The following C8orf34 variants were observed in gnomAD, a reference collection of about 807,000 sequenced individuals.
C8orf34 encodes uncharacterized protein C8orf34.
C8orf34 carries 65 observed loss-of-function variants against 68.3 expected under a neutral mutation model. The observed-to-expected ratio is 0.95, with a 90% CI of 0.78 to 1.17. The LOEUF (loss-of-function observed/expected upper bound fraction) is 1.17, where lower values mean the gene tolerates loss of function less well. Among genes scored for constraint, C8orf34 ranks in the 50% most tolerant of loss-of-function variants. The pLI, the probability that C8orf34 is intolerant of heterozygous loss-of-function variation, is 0.00. For synonymous variants in C8orf34, 244 were observed against 241.2 expected (o/e 1.01, Z -0.11); for missense variants, 664 against 655.4 (o/e 1.01, Z -0.14).
Position 68,721,442 on chromosome 8 carries a change from G to A in C8orf34, c.1404+5G>A. 6.3e-7 allele frequency: 1 copy of A among 1,587,078 alleles called. No individual in the cohort carries two copies. Among genetic ancestry groups the A allele is most frequent in the Non-Finnish European group, 8.6e-7 (1 of 1,158,958 alleles). On this transcript the variant is annotated splice_donor_5th_base_variant and intron_variant, in intron 10 of 13. Coordinates refer to ENST00000518698, the MANE Select transcript of C8orf34 (RefSeq NM_052958.4). The stretch of plus-strand genomic sequence containing the variant: ...GCATCTAAACTAACAGGACCTGTAA[G>A]TATATTCATTGACTTATTTTTTTTA...
intron 8 of C8orf34, among the ~76,000 whole-genome samples, chr8:68,671,725 TAA>T (rs1229277625): frequency 6.6e-6 from 1 of 152,190 alleles, no homozygotes; most frequent in Non-Finnish European, 1.5e-5. Context: ...TATAATCGGG[TAA>T]GAGTTGTCTG....
intron 9 of C8orf34, among the ~76,000 whole-genome samples, chr8:68,713,936 A>T (rs914028742): frequency 6.6e-6 from 1 of 152,188 alleles, no homozygotes; most frequent in Non-Finnish European, 1.5e-5. Context: ...CAAAAAGATA[A>T]TTCACCATGA....
chr8:68,516,631 T>C (rs1260017773), intron 5 of C8orf34, among the ~76,000 whole-genome samples: 1 of 151,096 alleles, frequency 6.6e-6, no homozygotes, highest in Non-Finnish European at 1.5e-5. Context: ...TATTTATTTA[T>C]TTATTTATTT....
At chr8:68,366,795 C>G (rs924474631) in intron 1 of C8orf34, among the ~76,000 whole-genome samples, 1 of 147,562 alleles carries the variant, frequency 6.8e-6, no homozygotes, top group Non-Finnish European at 1.5e-5. Context: ...CATAAAAACC[C>G]TAGAAGAAAA....
intron 8 of C8orf34, among the ~76,000 whole-genome samples, chr8:68,664,207 G>A (rs1243465588): frequency 6.6e-6 from 1 of 152,134 alleles, no homozygotes; most frequent in African/African-American, 2.4e-5. Flanking sequence ...ACTTGTGTGT[G>A]TACACTCCTT....
At chr8:68,406,928 G>A (rs989258860) in intron 1 of C8orf34, among the ~76,000 whole-genome samples, 12 of 152,166 alleles carry the variant, frequency 7.9e-5, no homozygotes, top group African/African-American at 2.4e-4. Flanking sequence ...GTTGTGCTCT[G>A]CATGGCTCAC....
intron 7 of C8orf34, among the ~76,000 whole-genome samples, chr8:68,613,929 C>A (rs1818108802): frequency 1.3e-5 from 2 of 152,234 alleles, no homozygotes; most frequent in South Asian, 4.1e-4. Flanking sequence ...GTTCCTATTT[C>A]TCCACATCCT....
At chr8:68,625,460 A>T (rs1586470825) in intron 7 of C8orf34, 2 of 563,596 alleles carry the variant, frequency 3.5e-6, no homozygotes, top group East Asian at 6.1e-5. Flanking sequence ...CAACTCTCCA[A>T]GAAAATGAAA....
At chr8:68,471,204 G>C (rs1259766503) in intron 4 of C8orf34, among the ~76,000 whole-genome samples, 1 of 152,082 alleles carries the variant, frequency 6.6e-6, no homozygotes, top group East Asian at 1.9e-4. Flanking sequence ...GGACTCTACT[G>C]TTTTAGGGTA....
At chr8:68,677,252 A>G (rs1820220663) in intron 8 of C8orf34, among the ~76,000 whole-genome samples, 1 of 152,244 alleles carries the variant, frequency 6.6e-6, no homozygotes, top group Non-Finnish European at 1.5e-5. Context: ...CACACATACC[A>G]GAACCTATGG....
chr8:68,355,024 A>T (rs1203876738), intron 1 of C8orf34, among the ~76,000 whole-genome samples: 1 of 152,184 alleles, frequency 6.6e-6, no homozygotes, highest in Non-Finnish European at 1.5e-5. Flanking sequence ...AGCAAATAGC[A>T]TCTTAATATT....
intron 1 of C8orf34, among the ~76,000 whole-genome samples, chr8:68,406,515 G>C (rs541795283): frequency 7.2e-5 from 11 of 151,844 alleles, no homozygotes; most frequent in Non-Finnish European, 1.5e-4. Context: ...TATTGAGAGA[G>C]AGAGAGAGTC....
intron 7 of C8orf34, among the ~76,000 whole-genome samples, chr8:68,599,607 A>G (rs1157629812): frequency 2.0e-5 from 3 of 152,092 alleles, no homozygotes; most frequent in Non-Finnish European, 4.4e-5. Flanking sequence ...ATTAAATTGT[A>G]TTCCTCCCTC....
At position 68,693,470 on chromosome 8, in the gene C8orf34, G is replaced by A. The variant is rs114878102; in HGVS notation, c.1242-15524G>A. Among the ~76,000 whole-genome samples the A allele has an allele frequency of 5.5e-3, 842 of 152,110 alleles. 10 individuals are homozygous for A. The highest frequency in any genetic ancestry group is 0.019 in the African/African-American group (786 of 41,516). ...TTTTCAAAATCTGAAAATTGTTCTC[G>A]TGAAAAGTAGGTGAAATAGATTTGA... On this transcript the variant is annotated intron_variant, in intron 8 of 13. Transcript: ENST00000518698.
chr8:68,436,816 C>T (rs186148172), intron 1 of C8orf34, among the ~76,000 whole-genome samples: 15 of 152,292 alleles, frequency 9.8e-5, no homozygotes, highest in Non-Finnish European at 1.6e-4. Flanking sequence ...ATCTATCAGT[C>T]CCTCAGGTCT....
intron 7 of C8orf34, among the ~76,000 whole-genome samples, chr8:68,571,541 G>T (rs1200680895): frequency 2.2e-5 from 2 of 89,240 alleles, no homozygotes; most frequent in African/African-American, 8.8e-5. Context: ...TCTTAAGCCT[G>T]CTGTGCTTAT....
At chr8:68,778,749 T>A (rs1288108086) in intron 11 of C8orf34, among the ~76,000 whole-genome samples, 1 of 152,208 alleles carries the variant, frequency 6.6e-6, no homozygotes, top group Non-Finnish European at 1.5e-5. Flanking sequence ...TAATTTTACA[T>A]CACAGAAATC....
At chr8:68,649,778 G>A (rs1365410395) in intron 8 of C8orf34, among the ~76,000 whole-genome samples, 1 of 152,178 alleles carries the variant, frequency 6.6e-6, no homozygotes, top group East Asian at 1.9e-4. Context: ...ACATGACAAA[G>A]AGCTGGTGCT....
chr8:68,534,167 G>T, intron 7 of C8orf34: 2 of 985,240 alleles, frequency 2.0e-6, no homozygotes, highest in Non-Finnish European at 1.2e-6. Context: ...GGTGTTATTT[G>T]GTCAATGGTG....
Sources: allele counts gnomAD v4.1 joint callset (sites outside exome capture counted in the v4.1 genomes callset), GRCh38; gene constraint gnomAD v4.1.1; transcripts MANE v1.5; gene names NCBI Gene and HGNC (gene_info 2026-07-23, HGNC 2026-07-21).